Variants in DMTF1 observed in about 807,000 individuals in gnomAD.
DMTF1 encodes the protein cyclin-D-binding Myb-like transcription factor 1.
In DMTF1, 39 loss-of-function variants were observed where a neutral mutation model predicts 91.1. The observed-to-expected ratio is 0.43, with a 90% CI of 0.33 to 0.56. The LOEUF (loss-of-function observed/expected upper bound fraction) is 0.56. DMTF1 is among the 20% of genes least tolerant of loss of function. The pLI, the probability that DMTF1 is intolerant of heterozygous loss-of-function variation, is 0.05. For synonymous variants in DMTF1, 338 were observed against 309.5 expected, an observed-to-expected ratio of 1.09 and a Z score of -0.97; for missense variants, 750 against 914.5, an observed-to-expected ratio of 0.82 and a Z score of 2.32.
rs1435254562 is a variant in DMTF1, at chr7:87,194,753, C to T, written c.2098C>T (p.Pro700Ser). Residue 700 changes from proline to serine, a missense_variant, in exon 17 of 18, where the codon CCT becomes TCT. Pro to Ser is a moderately conservative substitution (Grantham distance 74). Transcript: ENST00000331242. ...TIDDETILIV[P>S]SPHGFIQASD... ...TGATGATGAAACAATACTTATCGTTCCTTCACCACATGGCTTTATCCAGGC... is the reference window on the plus strand; with the variant it reads ...TGATGATGAAACAATACTTATCGTTTCTTCACCACATGGCTTTATCCAGGC... 2 of 1,611,230 alleles carry T rather than the reference C, an allele frequency of 1.2e-6. No homozygotes were observed. Among genetic ancestry groups the T allele is most frequent in the African/African-American group, 1.3e-5 (1 of 74,876 alleles).
In DMTF1 at chr7:87,170,693, A is replaced by G. The variant is rs1019976362; in HGVS notation, c.233-302A>G. Among the ~76,000 whole-genome samples, 5 of 152,080 alleles carry G rather than the reference A, an allele frequency of 3.3e-5. No individual in the cohort carries two copies. The South Asian group carries it at 1.0e-3, about 32-fold the overall frequency. On this transcript the variant is annotated intron_variant, in intron 4 of 17. Transcript: ENST00000331242. ...CCTGTTAGGTTTTTTCTCACTACTA[A>G]TCACCATCCAACGTAGTATCTTGTC... is the stretch of plus-strand genomic sequence containing the variant.
Position 87,174,777 on chromosome 7 carries a change from G to A in DMTF1, c.519+108G>A, listed in dbSNP as rs542460368. The A allele has an allele frequency of 8.8e-4, 528 of 597,898 alleles. 5 individuals are homozygous for A. The African/African-American group carries it at 9.5e-3, about 11-fold the overall frequency. The allele number at this position is 597,898 out of a possible 1,614,324, so 37.0% of individuals were successfully genotyped here. A position where few individuals can be genotyped will look rare whatever the true frequency, so the allele number is the denominator to read the frequency against. On this transcript the variant is annotated intron_variant, in intron 7 of 17. Coordinates refer to ENST00000331242, the MANE Select transcript of DMTF1 (RefSeq NM_001142327.2). ...TATTAGGAGCTTTTTACTTATTTTT[G>A]TAATGGATTTTCATAATGGCTAACA...
At chr7:87,180,073 C>T (rs1797012038) in intron 8 of DMTF1, among the ~76,000 whole-genome samples, 2 of 152,026 alleles carry the variant, frequency 1.3e-5, no homozygotes, top group Non-Finnish European at 2.9e-5. Flanking sequence ...AGGTCAGTGG[C>T]CTTTTTTTAA....
intron 14 of DMTF1, among the ~76,000 whole-genome samples, chr7:87,191,706 C>T (rs56314218): frequency 0.026 from 3,940 of 152,110 alleles, 78 homozygotes; most frequent in East Asian, 0.065. Flanking sequence ...ACTGGGCTCC[C>T]ATTTATTTGA....
chr7:87,194,211 C>T (rs570024638), intron 16 of DMTF1, 109 bp downstream of exon 16: 2 of 1,191,836 alleles, frequency 1.7e-6, no homozygotes, highest in East Asian at 4.8e-5. Context: ...AAACCCCCAA[C>T]CTCACACCTC....
At chr7:87,166,630 A>G in intron 4 of DMTF1, 25 bp downstream of exon 4, 2 of 1,528,656 alleles carry the variant, frequency 1.3e-6, no homozygotes, top group South Asian at 2.3e-5. Context: ...ATTAAGAGCC[A>G]TAGAGTTCCC....
intron 5 of DMTF1, among the ~76,000 whole-genome samples, chr7:87,172,284 CAAA>C (rs1349463244): frequency 3.9e-5 from 6 of 152,178 alleles, no homozygotes; most frequent in South Asian, 2.1e-4. Flanking sequence ...TTTAAAAAAT[CAAA>C]AAGTATGACA....
At chr7:87,162,007 T>C (rs1398865170) in intron 1 of DMTF1, among the ~76,000 whole-genome samples, 3 of 152,228 alleles carry the variant, frequency 2.0e-5, no homozygotes, top group African/African-American at 4.8e-5. Context: ...TTTTTCAGTA[T>C]GGGTTAAGGA....
At chr7:87,161,236 G>A (rs901690847) in intron 1 of DMTF1, among the ~76,000 whole-genome samples, 6 of 152,040 alleles carry the variant, frequency 3.9e-5, no homozygotes, top group African/African-American at 9.7e-5. Flanking sequence ...ATTGGCTCAC[G>A]CCTGTAATCC....
intron 1 of DMTF1, among the ~76,000 whole-genome samples, chr7:87,153,486 T>A (rs1345930467): frequency 1.3e-5 from 2 of 152,218 alleles, no homozygotes; most frequent in Non-Finnish European, 2.9e-5. Flanking sequence ...TGCAATTGAA[T>A]GATAGAGCAT....
chr7:87,154,436 C>G (rs1584136521), intron 1 of DMTF1: 1 of 152,590 alleles, frequency 6.6e-6, no homozygotes, highest in African/African-American at 2.4e-5. Flanking sequence ...GATTTAGCAC[C>G]TGCATATTCT....
chr7:87,170,268 C>T (rs1293451659), intron 4 of DMTF1, among the ~76,000 whole-genome samples: 2 of 152,218 alleles, frequency 1.3e-5, no homozygotes, highest in Admixed American at 1.3e-4. Flanking sequence ...GTCCAAGCCA[C>T]TGACCTATCT....
intron 11 of DMTF1, 85 bp from the exon 12 acceptor site, chr7:87,185,744 G>T: frequency 6.9e-7 from 1 of 1,448,804 alleles, no homozygotes; most frequent in Non-Finnish European, 9.6e-7. Context: ...CCCTTTATTT[G>T]CCAGTGCAAT....
intron 1 of DMTF1, among the ~76,000 whole-genome samples, chr7:87,157,919 T>G (rs1791194141): frequency 6.6e-6 from 1 of 152,038 alleles, no homozygotes; most frequent in Non-Finnish European, 1.5e-5. Flanking sequence ...AATTGTATAA[T>G]TGTTTTGTTT....
rs866230991 is a variant in DMTF1 at position 87,178,982 on chromosome 7, G to A, written c.520-563G>A. On this transcript the variant is annotated intron_variant, in intron 7 of 17. Coordinates refer to ENST00000331242, the MANE Select transcript of DMTF1 (RefSeq NM_001142327.2). ...CAGTTTTGGTAAGTTGATGTTTGAT[G>A]TCTTCTAGGAATTGATTCATTTTAC... Among the ~76,000 whole-genome samples, 44 of 151,880 alleles carry A rather than the reference G, an allele frequency of 2.9e-4. No individual in the cohort carries two copies. The Middle Eastern group carries it at 0.014, about 47-fold the overall frequency.
Position 87,194,698 on chromosome 7 carries a change from C to G in DMTF1, c.2043C>G (p.Pro681=). 1 of 1,607,440 alleles carries G rather than the reference C, an allele frequency of 6.2e-7. No individual in the cohort carries two copies. Among genetic ancestry groups the G allele is most frequent in the Non-Finnish European group, 8.5e-7 (1 of 1,175,432 alleles). The part of the protein sequence containing the change: ...SAYVTEGLES[P]TIEEQVDQTI... The stretch of plus-strand genomic sequence containing the variant: ...ATGTTATTTAGGGTTTAGAGTCTCC[C>G]ACTATAGAAGAACAAGTTGATCAAA... Residue 681 remains proline, a synonymous_variant, in exon 17 of 18, where the codon CCC becomes CCG. Coordinates refer to ENST00000331242, the MANE Select transcript of DMTF1 (RefSeq NM_001142327.2).
chr7:87,169,676 T>C (rs1228577121), intron 4 of DMTF1, among the ~76,000 whole-genome samples: 2 of 152,220 alleles, frequency 1.3e-5, no homozygotes, highest in Non-Finnish European at 2.9e-5. Flanking sequence ...GTCACTTTTT[T>C]AGTGTTTGCG....
intron 7 of DMTF1, 41 bp downstream of exon 7, chr7:87,174,710 T>C: frequency 7.2e-7 from 1 of 1,396,128 alleles, no homozygotes; most frequent in Non-Finnish European, 1.0e-6. Flanking sequence ...AATTTGTTTA[T>C]TGCCAATTGC....
chr7:87,189,266 C>T (rs1277285028), intron 13 of DMTF1, among the ~76,000 whole-genome samples: 1 of 152,162 alleles, frequency 6.6e-6, no homozygotes, highest in Non-Finnish European at 1.5e-5. Flanking sequence ...TGTACATTGA[C>T]TGTCAGAGTT....
Sources: gnomAD v4.1 joint callset for allele counts (sites outside exome capture counted in the v4.1 genomes callset) on GRCh38, gnomAD v4.1.1 for gene constraint, MANE v1.5 for transcripts, NCBI Gene and HGNC (gene_info 2026-07-23, HGNC 2026-07-21) for gene names.